Variants in IPMK observed in about 807,000 individuals in gnomAD.
The protein encoded by IPMK is inositol 1,3,4,6-tetrakisphosphate 5-kinase.
Under a neutral mutation model 45.8 loss-of-function variants are expected in IPMK, and 17 were observed. The observed-to-expected ratio is 0.37, with a 90% CI of 0.25 to 0.56. The LOEUF is 0.56. Among genes scored for constraint, IPMK ranks in the 20% least tolerant of loss-of-function variants. IPMK has a pLI of 0.79. For synonymous variants in IPMK, 180 were observed against 184.3 expected (o/e 0.98, Z 0.19); for missense variants, 399 against 498.0 (o/e 0.80, Z 1.89).
At chr10:58,222,305 CATG>C (rs1838348536) in intron 3 of IPMK, among the ~76,000 whole-genome samples, 1 of 152,170 alleles carries the variant, frequency 6.6e-6, no homozygotes, top group Non-Finnish European at 1.5e-5. Flanking sequence ...GAGTATTTCA[CATG>C]ATGTAGTTTA....
At chr10:58,240,576 A>C (rs1004922857) in intron 1 of IPMK, among the ~76,000 whole-genome samples, 4 of 151,960 alleles carry the variant, frequency 2.6e-5, no homozygotes, top group Admixed American at 2.6e-4. Context: ...ATAATCTACA[A>C]AATCATAACT....
chr10:58,204,402 C>T (rs1212070822), intron 4 of IPMK, among the ~76,000 whole-genome samples: 2 of 152,184 alleles, frequency 1.3e-5, no homozygotes, highest in Non-Finnish European at 2.9e-5. Context: ...ATATTAGTTG[C>T]TCATTTTGCG....
intron 4 of IPMK, among the ~76,000 whole-genome samples, chr10:58,214,038 A>C (rs1838207831): frequency 6.6e-6 from 1 of 152,240 alleles, no homozygotes; most frequent in Non-Finnish European, 1.5e-5. Flanking sequence ...AAAGCAAAGC[A>C]GGTTAAAGGT....
chr10:58,220,189 G>A (rs540242173), intron 3 of IPMK, among the ~76,000 whole-genome samples: 1 of 152,292 alleles, frequency 6.6e-6, no homozygotes. Context: ...CCTTGGTAGG[G>A]AGGGGAGAGG....
chr10:58,243,745 T>C (rs949023353), intron 1 of IPMK, among the ~76,000 whole-genome samples: 1 of 152,200 alleles, frequency 6.6e-6, no homozygotes, highest in Non-Finnish European at 1.5e-5. Flanking sequence ...CCGCGTGCCT[T>C]GGCCTCCCAA....
At chr10:58,259,684 A>AAAAAAAAAAAAAAC (rs1564541877) in intron 1 of IPMK, among the ~76,000 whole-genome samples, 12 of 149,718 alleles carry the variant, frequency 8.0e-5, no homozygotes, top group African/African-American at 3.0e-4. Flanking sequence ...AAAAAAAAAA[A>AAAAAAAAAAAAAAC]AAACAATTAG....
At chr10:58,253,559 G>A (rs1453020718) in intron 1 of IPMK, among the ~76,000 whole-genome samples, 1 of 151,946 alleles carries the variant, frequency 6.6e-6, no homozygotes, top group East Asian at 1.9e-4. Flanking sequence ...GCAACACAGT[G>A]AAACCCTGTC....
At chr10:58,212,011 G>A (rs7899365) in intron 4 of IPMK, among the ~76,000 whole-genome samples, 3 of 150,348 alleles carry the variant, frequency 2.0e-5, no homozygotes, top group African/African-American at 7.4e-5. Context: ...AACTAAATTA[G>A]AATCTTTTTA....
chr10:58,246,318 G>C (rs567000192), intron 1 of IPMK, among the ~76,000 whole-genome samples: 18 of 150,088 alleles, frequency 1.2e-4, no homozygotes, highest in Non-Finnish European at 1.2e-4. Flanking sequence ...AAGTTCATAT[G>C]GAACCAAAAA....
intron 4 of IPMK, among the ~76,000 whole-genome samples, chr10:58,210,959 C>T (rs1838150079): frequency 6.6e-6 from 1 of 152,126 alleles, no homozygotes; most frequent in African/African-American, 2.4e-5. Flanking sequence ...GCACATTAGC[C>T]CTGCCTCCCA....
chr10:58,228,821 T>C (rs922049916), intron 2 of IPMK, among the ~76,000 whole-genome samples: 4 of 152,286 alleles, frequency 2.6e-5, no homozygotes, highest in Admixed American at 1.3e-4. Context: ...TATCTTGAAA[T>C]GTAGAATAAA....
chr10:58,266,508 T>C (rs1359723231), intron 1 of IPMK, among the ~76,000 whole-genome samples: 1 of 152,156 alleles, frequency 6.6e-6, no homozygotes, highest in Non-Finnish European at 1.5e-5. Flanking sequence ...CGTCTAAAAA[T>C]GTCAGTATTA....
chr10:58,214,353 G>T (rs1365618234), intron 4 of IPMK, among the ~76,000 whole-genome samples: 2 of 152,144 alleles, frequency 1.3e-5, no homozygotes, highest in African/African-American at 4.8e-5. Context: ...CCTGTTGGAT[G>T]ATTTTTATTT....
At chr10:58,244,914 C>A (rs921631670) in intron 1 of IPMK, among the ~76,000 whole-genome samples, 5 of 152,064 alleles carry the variant, frequency 3.3e-5, no homozygotes, top group African/African-American at 1.2e-4. Context: ...CCAAAGGCCG[C>A]AGGGACCTCT....
intron 3 of IPMK, among the ~76,000 whole-genome samples, chr10:58,217,158 T>C (rs1270169970): frequency 1.4e-5 from 2 of 144,764 alleles, no homozygotes; most frequent in African/African-American, 5.1e-5. Flanking sequence ...CCATCTTGCT[T>C]TTTTTTTTTT....
At position 58,252,089 on chromosome 10, in the gene IPMK, A is replaced by AT. The variant is rs1250127467; in HGVS notation, c.191-14276dup. On this transcript the variant is annotated intron_variant, in intron 1 of 5. Coordinates refer to ENST00000373935, the MANE Select transcript of IPMK (RefSeq NM_152230.5). ...TTACTGTCTTCCTTTGTAGTTAAGG[A>AT]TTTTTTTCTAGCAGTATGTTTTGAT... 1.4e-4 allele frequency among the ~76,000 whole-genome samples: 22 copies of AT among 151,882 alleles called. No homozygotes were observed. In the East Asian group the frequency reaches 3.3e-3, roughly 23 times the overall value.
chr10:58,264,231 A>T (rs1230573041), intron 1 of IPMK, among the ~76,000 whole-genome samples: 1 of 152,204 alleles, frequency 6.6e-6, no homozygotes, highest in Non-Finnish European at 1.5e-5. Flanking sequence ...GTTAAGAAAA[A>T]TTATTTGCAT....
chr10:58,191,884 C>T lies in IPMK; in HGVS notation c.*4192G>A, dbSNP rs1333069691. The stretch of plus-strand genomic sequence containing the variant: ...GTTCCCATAGTAAAGTGTCTTTGTG[C>T]ACGCCATTTTCATTTATATGCAGGT... On this transcript the variant is annotated 3_prime_UTR_variant, in exon 6 of 6. Coordinates refer to ENST00000373935, the MANE Select transcript of IPMK (RefSeq NM_152230.5). The T allele has an allele frequency of 6.6e-6, 1 of 152,036 alleles. No homozygotes were observed. Among genetic ancestry groups the T allele is most frequent in the Non-Finnish European group, 1.5e-5 (1 of 67,914 alleles). The allele number at this position is 152,036 out of a possible 1,614,324, so 9.4% of individuals were successfully genotyped here.
chr10:58,256,473 G>T (rs1838969227), intron 1 of IPMK, among the ~76,000 whole-genome samples: 1 of 152,176 alleles, frequency 6.6e-6, no homozygotes, highest in African/African-American at 2.4e-5. Flanking sequence ...TGTTTATCAA[G>T]ACAATGCATG....
Sources: gnomAD v4.1 joint callset for allele counts (sites outside exome capture counted in the v4.1 genomes callset) on GRCh38, gnomAD v4.1.1 for gene constraint, MANE v1.5 for transcripts, NCBI Gene and HGNC (gene_info 2026-07-23, HGNC 2026-07-21) for gene names.